The following TMEM268 variants were observed in gnomAD, a reference collection of about 807,000 sequenced individuals.
TMEM268 encodes transmembrane protein C9orf91.
In TMEM268, 24 loss-of-function variants were observed where a neutral mutation model predicts 39.1. That is an observed-to-expected ratio of 0.61 (90% CI 0.44 to 0.86). The LOEUF (loss-of-function observed/expected upper bound fraction) is 0.86, where lower values mean the gene tolerates loss of function less well. Ranked by LOEUF, TMEM268 falls within the 40% of genes least tolerant of loss-of-function variation. TMEM268 has a pLI of 0.00. For synonymous variants in TMEM268, 176 were observed against 173.5 expected (o/e 1.01, Z -0.12); for missense variants, 409 against 428.6 (o/e 0.95, Z 0.40).
chr9:114,614,990 G>A (rs1422917964), intron 1 of TMEM268, among the ~76,000 whole-genome samples: 3 of 150,286 alleles, frequency 2.0e-5, no homozygotes, highest in African/African-American at 4.9e-5. Flanking sequence ...TCTGCCTCCC[G>A]GGTTCAAGTG....
chr9:114,635,246 G>A (rs896969989), intron 6 of TMEM268, among the ~76,000 whole-genome samples: 1 of 152,106 alleles, frequency 6.6e-6, no homozygotes, highest in Non-Finnish European at 1.5e-5. Flanking sequence ...GGGAGGCTGA[G>A]GCAGGAGAAT....
intron 4 of TMEM268, among the ~76,000 whole-genome samples, chr9:114,627,582 C>T: frequency 6.6e-6 from 1 of 152,118 alleles, no homozygotes; most frequent in East Asian, 1.9e-4. Flanking sequence ...AATAGCACAC[C>T]TGACTCCCAG....
chr9:114,621,468 T>A (rs1294197027), intron 2 of TMEM268, among the ~76,000 whole-genome samples: 5 of 152,350 alleles, frequency 3.3e-5, no homozygotes, highest in Non-Finnish European at 7.3e-5. Flanking sequence ...CAAACCAGTG[T>A]GAGAGTGTAT....
intron 1 of TMEM268, among the ~76,000 whole-genome samples, chr9:114,614,493 C>A (rs1160074063): frequency 6.6e-6 from 1 of 152,200 alleles, no homozygotes; most frequent in East Asian, 1.9e-4. Context: ...GCATTGGGCC[C>A]ATTCTGTAGC....
intron 6 of TMEM268, among the ~76,000 whole-genome samples, chr9:114,635,483 C>T (rs1311404706): frequency 2.0e-5 from 3 of 152,184 alleles, no homozygotes; most frequent in African/African-American, 7.2e-5. Flanking sequence ...TCAACACCAG[C>T]AGCCTGGGCA....
chr9:114,611,400 G>GGGCC lies in TMEM268; in HGVS notation c.-236_-233dup, dbSNP rs1234991492. Reference sequence around the variant, plus strand: ...CTCCTCGGGGTTGGGCGACCGAGCGGGGCCGGCCGGGCGGGGGGCGGGCCC... The same window carrying GGGCC: ...CTCCTCGGGGTTGGGCGACCGAGCGGGGCCGGCCGGCCGGGCGGGGGGCGGGCCC... On this transcript the variant is annotated 5_prime_UTR_variant, in exon 1 of 9. It removes the in-frame stop codon of an upstream open reading frame in the 5' UTR. Coordinates refer to ENST00000288502, the MANE Select transcript of TMEM268 (RefSeq NM_153045.4). 1 of 151,790 alleles carries GGGCC rather than the reference G, an allele frequency of 6.6e-6. No individual in the cohort carries two copies. Among genetic ancestry groups the GGGCC allele is most frequent in the African/African-American group, 2.4e-5 (1 of 41,290 alleles). The allele number at this position is 151,790 out of a possible 1,614,324, so 9.4% of individuals were successfully genotyped here.
chr9:114,619,749 T>A (rs1289091612), intron 2 of TMEM268, among the ~76,000 whole-genome samples: 1 of 152,190 alleles, frequency 6.6e-6, no homozygotes, highest in East Asian at 1.9e-4. Context: ...TTTTCCATGC[T>A]GATGGTACCA....
upstream of TMEM268, among the ~76,000 whole-genome samples, chr9:114,607,726 G>A (rs1168651009): frequency 1.3e-5 from 2 of 152,116 alleles, no homozygotes; most frequent in Non-Finnish European, 2.9e-5. Context: ...TGAGAATGGG[G>A]AACTGGCCTA....
intron 5 of TMEM268, among the ~76,000 whole-genome samples, chr9:114,632,673 T>G (rs1172865626): frequency 2.0e-5 from 3 of 152,160 alleles, no homozygotes; most frequent in Non-Finnish European, 4.4e-5. Context: ...GAGTGAGTGC[T>G]TCACTTACAC....
the TMEM268 span, among the ~76,000 whole-genome samples, chr9:114,604,782 C>T: frequency 1.3e-5 from 2 of 152,000 alleles, no homozygotes; most frequent in Non-Finnish European, 2.9e-5. Context: ...CAAGGGAAGG[C>T]CATTATGTTC....
intron 8 of TMEM268, 37 bp from the exon 9 acceptor site, chr9:114,643,097 C>G (rs1197126666): frequency 6.2e-7 from 1 of 1,611,910 alleles, no homozygotes; most frequent in Admixed American, 1.7e-5. Flanking sequence ...CAAGGGGCTC[C>G]CCTGTGGTAT....
At chr9:114,640,402 T>C (rs1846851596) in intron 8 of TMEM268, among the ~76,000 whole-genome samples, 1 of 152,190 alleles carries the variant, frequency 6.6e-6, no homozygotes, top group African/African-American at 2.4e-5. Flanking sequence ...CTGTAAAAGA[T>C]GGAAAGATAG....
chr9:114,614,889 T>C (rs1183268021), intron 1 of TMEM268, among the ~76,000 whole-genome samples: 1 of 139,198 alleles, frequency 7.2e-6, no homozygotes, highest in Non-Finnish European at 1.6e-5. Context: ...CAGGTGTCAC[T>C]GCCTTTTTTT....
chr9:114,607,558 G>A (rs550719319), upstream of TMEM268, among the ~76,000 whole-genome samples: 2 of 152,224 alleles, frequency 1.3e-5, no homozygotes, highest in Non-Finnish European at 2.9e-5. Context: ...GGGAGGCTGA[G>A]GTGGGAGGAT....
intron 3 of TMEM268, among the ~76,000 whole-genome samples, chr9:114,625,657 G>A (rs145106454): frequency 6.6e-6 from 1 of 151,670 alleles, no homozygotes; most frequent in Non-Finnish European, 1.5e-5. Context: ...TGGCCAGGCT[G>A]GTCTCGAACT....
chr9:114,620,695 T>G (rs1480005835), intron 2 of TMEM268, among the ~76,000 whole-genome samples: 2 of 152,220 alleles, frequency 1.3e-5, no homozygotes, highest in African/African-American at 4.8e-5. Context: ...AGCAGCCAGT[T>G]ATTTTGTACC....
intron 7 of TMEM268, 46 bp downstream of exon 7, chr9:114,637,116 A>G: frequency 8.0e-7 from 1 of 1,251,348 alleles, no homozygotes; most frequent in Non-Finnish European, 1.2e-6. Flanking sequence ...CAGGAGGCCA[A>G]GTTGTATCGA....
In TMEM268 at chr9:114,643,766, T is replaced by C. The variant is rs1827454559; in HGVS notation, c.*453T>C. The C allele has an allele frequency of 6.5e-6, 1 of 154,820 alleles. No individual in the cohort carries two copies. The highest frequency in any genetic ancestry group is 2.0e-4 in the South Asian group (1 of 4,900). The allele number at this position is 154,820 out of a possible 1,614,324, so 9.6% of individuals were successfully genotyped here. ...CTGAGGCTCAGAGAGGATACTGCTC[T>C]ATGTGGCATTGCCTTGAACCCCTAA... On this transcript the variant is annotated 3_prime_UTR_variant, in exon 9 of 9. Transcript: ENST00000288502.
At chr9:114,632,366 C>T (rs1846439187) in intron 5 of TMEM268, among the ~76,000 whole-genome samples, 1 of 152,132 alleles carries the variant, frequency 6.6e-6, no homozygotes, top group African/African-American at 2.4e-5. Flanking sequence ...ACCAAAGGGT[C>T]CTCCTTGCAT....
Sources: allele counts gnomAD v4.1 joint callset (sites outside exome capture counted in the v4.1 genomes callset), GRCh38; gene constraint gnomAD v4.1.1; transcripts MANE v1.5; gene names NCBI Gene and HGNC (gene_info 2026-07-23, HGNC 2026-07-21).